The following NTRK2 variants were observed in gnomAD, a reference collection of about 807,000 sequenced individuals.
NTRK2 encodes BDNF/NT-3 growth factors receptor.
Under a neutral mutation model 94.5 loss-of-function variants are expected in NTRK2, and 13 were observed. That is an observed-to-expected ratio of 0.14 (90% confidence interval 0.09 to 0.22). NTRK2 has a LOEUF of 0.22. Among genes scored for constraint, NTRK2 ranks in the 10% least tolerant of loss-of-function variants. The probability of loss-of-function intolerance (pLI) is 1.00; values close to 1 mark genes in which losing one functional copy is unlikely to be tolerated. For synonymous variants in NTRK2, 372 were observed against 407.4 expected (o/e 0.91, Z 1.05); for missense variants, 639 against 1,071.2 (o/e 0.60, Z 5.63).
At position 85,002,333 on chromosome 9, in the gene NTRK2, A is replaced by C. The variant is rs77579504; in HGVS notation, c.2173-17873A>C. 4.8e-3 allele frequency among the ~76,000 whole-genome samples: 724 copies of C among 152,286 alleles called. 10 individuals carry two copies. Among genetic ancestry groups the C allele is most frequent in the African/African-American group, 0.017 (700 of 41,552 alleles). On this transcript the variant is annotated intron_variant, in intron 17 of 18. Coordinates refer to ENST00000277120, the MANE Select transcript of NTRK2 (RefSeq NM_006180.6). ...AGTTTTCATTAGTGAAGATCATGAA[A>C]TGCCTGGCCCATGAAGGCTCGAGGT...
intron 13 of NTRK2, among the ~76,000 whole-genome samples, chr9:84,864,741 T>TTC (rs2075502806): frequency 7.6e-6 from 1 of 132,336 alleles, no homozygotes; most frequent in Non-Finnish European, 1.5e-5. Flanking sequence ...ATTTTCTTTT[T>TTC]TTTTTTTTTT....
intron 12 of NTRK2, among the ~76,000 whole-genome samples, chr9:84,858,281 T>A (rs993589062): frequency 6.6e-6 from 1 of 152,208 alleles, no homozygotes; most frequent in Admixed American, 6.5e-5. Flanking sequence ...GCAGCCAAAA[T>A]GATTTCTCTA....
At chr9:84,693,516 T>C (rs933187113) in intron 2 of NTRK2, among the ~76,000 whole-genome samples, 4 of 152,236 alleles carry the variant, frequency 2.6e-5, no homozygotes, top group Admixed American at 6.5e-5. Flanking sequence ...TCATAATTTA[T>C]GTATTGAAGA....
At chr9:84,694,222 G>T (rs537331741) in intron 2 of NTRK2, among the ~76,000 whole-genome samples, 2 of 152,258 alleles carry the variant, frequency 1.3e-5, no homozygotes, top group African/African-American at 2.4e-5. Flanking sequence ...GCATGGCGAG[G>T]CCCCAGTTTT....
At chr9:84,719,945 A>C (rs2131965041) in intron 6 of NTRK2, among the ~76,000 whole-genome samples, 1 of 147,920 alleles carries the variant, frequency 6.8e-6, no homozygotes, top group East Asian at 2.1e-4. Flanking sequence ...ACTTGAACTC[A>C]GGAGGCAGAG....
intron 14 of NTRK2, among the ~76,000 whole-genome samples, chr9:84,932,905 G>A (rs1245113003): frequency 6.6e-6 from 1 of 152,146 alleles, no homozygotes; most frequent in Non-Finnish European, 1.5e-5. Flanking sequence ...CTCTGCTCAT[G>A]TTTAGTACAG....
chr9:84,670,565 G>C lies in NTRK2; in HGVS notation c.-184G>C. ...TGCCGGGGCCACTGTGAACCCTGCC[G>C]CCTGCCGGAACACTCTTCGCTCCGG... On this transcript the variant is annotated 5_prime_UTR_variant, in exon 2 of 19. Transcript: ENST00000277120. 1.5e-6 allele frequency: 1 copy of C among 650,168 alleles called. No individual in the cohort carries two copies. The highest frequency in any genetic ancestry group is 1.8e-5 in the African/African-American group (1 of 55,662). 40.3% of individuals were successfully genotyped at this position (650,168 alleles called of 1,614,324 possible).
intron 12 of NTRK2, among the ~76,000 whole-genome samples, chr9:84,798,446 T>C (rs1436133909): frequency 6.6e-6 from 1 of 152,220 alleles, no homozygotes; most frequent in African/African-American, 2.4e-5. Context: ...GGTCTCACCA[T>C]ATTGTATTTC....
chr9:84,703,872 T>C (rs2131716872), intron 4 of NTRK2, among the ~76,000 whole-genome samples: 1 of 152,340 alleles, frequency 6.6e-6, no homozygotes, highest in East Asian at 1.9e-4. Flanking sequence ...GATGGCTGCA[T>C]AGGCCTTGAT....
At chr9:84,910,006 G>T (rs1017354614) in intron 14 of NTRK2, among the ~76,000 whole-genome samples, 1 of 152,028 alleles carries the variant, frequency 6.6e-6, no homozygotes, top group African/African-American at 2.4e-5. Flanking sequence ...TACTGTGCTT[G>T]GTTTTAGATC....
In NTRK2 at chr9:84,673,940, C is replaced by T. The variant is rs531557779; in HGVS notation, c.212+2980C>T. 1.6e-4 allele frequency among the ~76,000 whole-genome samples: 24 copies of T among 152,292 alleles called. No homozygotes were observed. In the South Asian group the frequency reaches 4.8e-3, roughly 30 times the overall value. Reference sequence around the variant, plus strand: ...ACAGCAGTGTTAAAATGAATTTAAACGCAGTACCAATGTCACATGCAATGG... The same window carrying T: ...ACAGCAGTGTTAAAATGAATTTAAATGCAGTACCAATGTCACATGCAATGG... On this transcript the variant is annotated intron_variant, in intron 2 of 18. Coordinates refer to ENST00000277120, the MANE Select transcript of NTRK2 (RefSeq NM_006180.6).
chr9:84,708,853 A>C (rs1451017651), intron 5 of NTRK2, among the ~76,000 whole-genome samples: 1 of 152,216 alleles, frequency 6.6e-6, no homozygotes, highest in African/African-American at 2.4e-5. Flanking sequence ...AATAAAGTGA[A>C]TTCAGGACGT....
At chr9:84,913,650 A>T (rs2077310159) in intron 14 of NTRK2, among the ~76,000 whole-genome samples, 1 of 152,026 alleles carries the variant, frequency 6.6e-6, no homozygotes, top group Non-Finnish European at 1.5e-5. Context: ...ATCTGCTGTT[A>T]TTCAAATAGT....
chr9:84,901,131 T>A (rs916502838), intron 14 of NTRK2, among the ~76,000 whole-genome samples: 36 of 152,318 alleles, frequency 2.4e-4, no homozygotes, highest in African/African-American at 8.2e-4. Flanking sequence ...ACCCTCAAAA[T>A]GAGGTGATAA....
chr9:84,748,005 T>G (rs2064247372), intron 11 of NTRK2, among the ~76,000 whole-genome samples: 1 of 152,192 alleles, frequency 6.6e-6, no homozygotes, highest in African/African-American at 2.4e-5. Context: ...ATCATTAGAT[T>G]AGAAGAGTTT....
At chr9:84,707,708 G>C (rs1242420326) in intron 4 of NTRK2, 136 bp from the exon 5 acceptor site, 1 of 670,146 alleles carries the variant, frequency 1.5e-6, no homozygotes, top group African/African-American at 1.8e-5. Context: ...GTGAAAGAGA[G>C]AGAGATCTGG....
At chr9:84,751,852 G>T in intron 11 of NTRK2, 134 bp from the exon 12 acceptor site, 1 of 736,460 alleles carries the variant, frequency 1.4e-6, no homozygotes, top group East Asian at 2.7e-5. Context: ...ACATAAGGCT[G>T]TTATAAGAAC....
intron 12 of NTRK2, chr9:84,811,365 G>C (rs191923771): frequency 3.5e-5 from 37 of 1,065,886 alleles, no homozygotes; most frequent in Non-Finnish European, 3.4e-6. Flanking sequence ...CAGCTGTTTT[G>C]TTGGGGCTAT....
At chr9:84,680,670 C>A (rs1187251259) in intron 2 of NTRK2, among the ~76,000 whole-genome samples, 1 of 152,126 alleles carries the variant, frequency 6.6e-6, no homozygotes. Flanking sequence ...TGATTCCCTC[C>A]CTCTCCTTCT....
Sources: allele counts gnomAD v4.1 joint callset (sites outside exome capture counted in the v4.1 genomes callset), GRCh38; gene constraint gnomAD v4.1.1; transcripts MANE v1.5; gene names NCBI Gene and HGNC (gene_info 2026-07-23, HGNC 2026-07-21).